PROKR2: variants seen among roughly 807,000 people sequenced by gnomAD.
PROKR2 encodes the protein G protein-coupled receptor 73-like 1.
Under a neutral mutation model 23.4 loss-of-function variants are expected in PROKR2, and 26 were observed. The observed-to-expected ratio is 1.11, with a 90% CI of 0.81 to 1.54. The LOEUF (loss-of-function observed/expected upper bound fraction) is 1.54. Ranked by LOEUF, PROKR2 falls within the 40% of genes most tolerant of loss-of-function variation. The pLI is 0.00. For synonymous variants in PROKR2, 212 were observed against 201.2 expected, an observed-to-expected ratio of 1.05 and a Z score of -0.45; for missense variants, 453 against 511.5, an observed-to-expected ratio of 0.89 and a Z score of 1.10.
rs566862299 is a variant in PROKR2, at chr20:5,301,285, T to A, written c.*755A>T. The stretch of plus-strand genomic sequence containing the variant: ...TCTCACTCTGTCACTCAGGCTGGAG[T>A]GCAGTGGAGCAATCTCAGCTCACTG... On this transcript the variant is annotated 3_prime_UTR_variant, in exon 3 of 3. Coordinates refer to ENST00000678254, the MANE Select transcript of PROKR2 (RefSeq NM_144773.4). 6.6e-6 allele frequency among the ~76,000 whole-genome samples: 1 copy of A among 152,268 alleles called. No individual in the cohort carries two copies. Among genetic ancestry groups the A allele is most frequent in the African/African-American group, 2.4e-5 (1 of 41,550 alleles).
chr20:5,308,999 C>T (rs1311648062), intron 2 of PROKR2, among the ~76,000 whole-genome samples: 1 of 152,150 alleles, frequency 6.6e-6, no homozygotes, highest in Non-Finnish European at 1.5e-5. Flanking sequence ...ACCCCAACCG[C>T]TGGCTGCACC....
chr20:5,311,022 C>T (rs1242409670), intron 2 of PROKR2, among the ~76,000 whole-genome samples: 2 of 152,150 alleles, frequency 1.3e-5, no homozygotes, highest in Non-Finnish European at 1.5e-5. Flanking sequence ...CAGGATTTGA[C>T]ATGTATTCCG....
At chr20:5,303,048 T>C (rs1339802425) in intron 2 of PROKR2, among the ~76,000 whole-genome samples, 1 of 152,238 alleles carries the variant, frequency 6.6e-6, no homozygotes. Flanking sequence ...AATAAGATGA[T>C]ACTTACTTTG....
rs142754898 is a variant in PROKR2, at chr20:5,312,043, T to C, written c.458+1869A>G. On this transcript the variant is annotated intron_variant, in intron 2 of 2. Coordinates refer to ENST00000678254, the MANE Select transcript of PROKR2 (RefSeq NM_144773.4). The stretch of plus-strand genomic sequence containing the variant: ...AATCACTCAAGGAATTAGATAAAAA[T>C]GCAGATTCCTGGGACCTTGCCCAAG... 4.3e-3 allele frequency among the ~76,000 whole-genome samples: 660 copies of C among 152,300 alleles called. 7 individuals are homozygous for C. Among genetic ancestry groups the C allele is most frequent in the African/African-American group, 0.015 (621 of 41,572 alleles).
intron 1 of PROKR2, chr20:5,315,618 C>T: frequency 2.9e-6 from 1 of 347,896 alleles, no homozygotes; most frequent in Non-Finnish European, 5.7e-6. Flanking sequence ...TGGTCCACTC[C>T]TGCGAGGGGA....
rs62203807 is a variant in PROKR2 at position 5,299,616 on chromosome 20, G to T, written c.*2424C>A. ...TTTGCTTAGGCTAATATTATAGTGTGTTTGCATTTTCTTTTATTTTCCTTT... is the reference window on the plus strand; with the variant it reads ...TTTGCTTAGGCTAATATTATAGTGTTTTTGCATTTTCTTTTATTTTCCTTT... On this transcript the variant is annotated 3_prime_UTR_variant, in exon 3 of 3. Transcript: ENST00000678254. Among the ~76,000 whole-genome samples, 68,293 of 151,668 alleles carry T rather than the reference G, an allele frequency of 0.45. 15,659 individuals carry two copies. Among genetic ancestry groups the T allele is most frequent in the South Asian group, 0.54 (2,572 of 4,804 alleles).
chr20:5,299,988 T>C lies in PROKR2; in HGVS notation c.*2052A>G, dbSNP rs13041713. ...TCTGCTGGGTGGTGATAGAAAGAAA[T>C]ATTGGTTGAAACTTCAGTCAGAGAA... On this transcript the variant is annotated 3_prime_UTR_variant, in exon 3 of 3. Coordinates refer to ENST00000678254, the MANE Select transcript of PROKR2 (RefSeq NM_144773.4). Among the ~76,000 whole-genome samples the C allele has an allele frequency of 0.73, 111,178 of 152,096 alleles. 40,627 individuals are homozygous for C. The highest frequency in any genetic ancestry group is 0.77 in the South Asian group (3,709 of 4,820).
chr20:5,314,692 T>A (rs939417511), intron 1 of PROKR2, among the ~76,000 whole-genome samples: 2 of 152,194 alleles, frequency 1.3e-5, no homozygotes, highest in Non-Finnish European at 2.9e-5. Context: ...AAGGACAGCA[T>A]AGGATGGATC....
At position 5,300,950 on chromosome 20, in the gene PROKR2, G is replaced by C. The variant is rs187035396; in HGVS notation, c.*1090C>G. Among the ~76,000 whole-genome samples the C allele has an allele frequency of 3.3e-5, 5 of 152,214 alleles. No individual in the cohort carries two copies. The highest frequency in any genetic ancestry group is 3.3e-4 in the Admixed American group (5 of 15,276). On this transcript the variant is annotated 3_prime_UTR_variant, in exon 3 of 3. Coordinates refer to ENST00000678254, the MANE Select transcript of PROKR2 (RefSeq NM_144773.4). ...TAAAATGATAAGCTTTCAAGCATCA[G>C]TGGGAAAGTGATTTTTAGGTTCTTT...
intron 2 of PROKR2, among the ~76,000 whole-genome samples, chr20:5,311,036 G>A (rs919410286): frequency 1.3e-5 from 2 of 152,208 alleles, no homozygotes; most frequent in African/African-American, 4.8e-5. Flanking sequence ...TATTCCGTAA[G>A]CACTTGAATT....
chr20:5,302,630 C>A lies in PROKR2; in HGVS notation c.565G>T (p.Ala189Ser), dbSNP rs1979048318. ...MVSILIAIPS[A>S]YFATETVLFI... The stretch of plus-strand genomic sequence containing the variant: ...AGGACCGTTTCTGTTGCAAAGTAAG[C>A]CGATGGGATGGCAATGAGAATGGAC... The change falls in exon 3 of 3, where the codon GCT becomes TCT. Residue 189 changes from alanine to serine, a missense_variant. Physicochemically the swap from Ala to Ser is moderately conservative, Grantham distance 99. Coordinates refer to ENST00000678254, the MANE Select transcript of PROKR2 (RefSeq NM_144773.4). 1.9e-6 allele frequency: 3 copies of A among 1,614,012 alleles called. No individual in the cohort carries two copies. The East Asian group carries it at 6.7e-5, about 36-fold the overall frequency.
At chr20:5,304,819 G>A (rs1164539476) in intron 2 of PROKR2, among the ~76,000 whole-genome samples, 6 of 152,268 alleles carry the variant, frequency 3.9e-5, no homozygotes, top group East Asian at 3.9e-4. Context: ...ATTAGCTTTC[G>A]ACAATGCTAA....
intron 2 of PROKR2, among the ~76,000 whole-genome samples, chr20:5,311,497 T>C (rs531304304): frequency 6.6e-6 from 1 of 152,294 alleles, no homozygotes; most frequent in South Asian, 2.1e-4. Flanking sequence ...CAAACCAGCA[T>C]TATAAAGACA....
At chr20:5,307,135 A>G (rs549792140) in intron 2 of PROKR2, among the ~76,000 whole-genome samples, 54 of 152,292 alleles carry the variant, frequency 3.5e-4, no homozygotes, top group Non-Finnish European at 6.3e-4. Context: ...ACTGATGCTG[A>G]GGAGGACCCC....
chr20:5,311,700 A>G (rs1283153857), intron 2 of PROKR2, among the ~76,000 whole-genome samples: 1 of 152,248 alleles, frequency 6.6e-6, no homozygotes, highest in Non-Finnish European at 1.5e-5. Context: ...CTGGGTGGGC[A>G]TAATCTAATC....
chr20:5,299,612 G>C lies in PROKR2; in HGVS notation c.*2428C>G, dbSNP rs893729825. On this transcript the variant is annotated 3_prime_UTR_variant, in exon 3 of 3. Coordinates refer to ENST00000678254, the MANE Select transcript of PROKR2 (RefSeq NM_144773.4). ...CAGTTTTGCTTAGGCTAATATTATA[G>C]TGTGTTTGCATTTTCTTTTATTTTC... Among the ~76,000 whole-genome samples the C allele has an allele frequency of 6.6e-6, 1 of 151,788 alleles. No homozygotes were observed. Among genetic ancestry groups the C allele is most frequent in the Admixed American group, 6.6e-5 (1 of 15,248 alleles).
Position 5,302,038 on chromosome 20 carries a change from G to T in PROKR2, c.*2C>A. On this transcript the variant is annotated 3_prime_UTR_variant, in exon 3 of 3. Coordinates refer to ENST00000678254, the MANE Select transcript of PROKR2 (RefSeq NM_144773.4). ...GGTTTTCAATTGTGTGACACCAGTGGGTCACTTCAGCCTGATACAGTCCAC... is the reference window on the plus strand; with the variant it reads ...GGTTTTCAATTGTGTGACACCAGTGTGTCACTTCAGCCTGATACAGTCCAC... 1 of 1,613,058 alleles carries T rather than the reference G, an allele frequency of 6.2e-7. No homozygotes were observed. Among genetic ancestry groups the T allele is most frequent in the African/African-American group, 1.3e-5 (1 of 75,006 alleles).
Position 5,302,243 on chromosome 20 carries a change from C to T in PROKR2, c.952G>A (p.Val318Ile), listed in dbSNP as rs1979019457. 1 of 1,614,126 alleles carries T rather than the reference C, an allele frequency of 6.2e-7. No homozygotes were observed. The highest frequency in any genetic ancestry group is 1.3e-5 in the African/African-American group (1 of 74,944). The part of the protein sequence containing the change: ...EKHYLTAFYV[V>I]ECIAMSNSMI... ...CTGTTGCTCATGGCGATGCACTCGA[C>T]CACGTAGAAGGCAGTGAGGTAGTGC... The change falls in exon 3 of 3, where the codon GTC (valine) becomes ATC (isoleucine). Residue 318 changes from valine to isoleucine, a missense_variant. Physicochemically the swap from Val to Ile is conservative, Grantham distance 29. Coordinates refer to ENST00000678254, the MANE Select transcript of PROKR2 (RefSeq NM_144773.4).
At position 5,308,340 on chromosome 20, in the gene PROKR2, C is replaced by T. The variant is rs1315465258; in HGVS notation, c.458+5572G>A. ...AGAATGAGGGCAAGGAACACCTGGC[C>T]CGCCCAGGGCAGAAAACCGCTTAAA... On this transcript the variant is annotated intron_variant, in intron 2 of 2. Coordinates refer to ENST00000678254, the MANE Select transcript of PROKR2 (RefSeq NM_144773.4). Among the ~76,000 whole-genome samples the T allele has an allele frequency of 2.0e-5, 3 of 152,208 alleles. No homozygotes were observed. The South Asian group carries it at 6.2e-4, about 32-fold the overall frequency.
Sources: allele counts gnomAD v4.1 joint callset (sites outside exome capture counted in the v4.1 genomes callset), GRCh38; gene constraint gnomAD v4.1.1; transcripts MANE v1.5; gene names NCBI Gene and HGNC (gene_info 2026-07-23, HGNC 2026-07-21).